Variants in ASTN2 observed in about 807,000 individuals in gnomAD.
ASTN2 encodes the protein astrotactin-2.
Under a neutral mutation model 139.8 loss-of-function variants are expected in ASTN2, and 54 were observed. The ratio of observed to expected loss-of-function variants is 0.39; its 90% CI spans 0.31 to 0.48. ASTN2 has a LOEUF of 0.48. Ranked by LOEUF, ASTN2 falls within the 20% of genes least tolerant of loss-of-function variation. ASTN2 has a pLI of 0.95. For missense variants in ASTN2, 1,565 were observed against 1,725.1 expected (o/e 0.91, Z 1.64); for synonymous variants, 756 against 719.5 (o/e 1.05, Z -0.81).
At position 117,336,357 on chromosome 9, in the gene ASTN2, A is replaced by AC. The variant is rs1433137682; in HGVS notation, c.443-44845_443-44844insG. Among the ~76,000 whole-genome samples, 6 of 152,228 alleles carry AC rather than the reference A, an allele frequency of 3.9e-5. No individual in the cohort carries two copies. In the South Asian group the frequency reaches 1.2e-3, roughly 32 times the overall value. ...TTGTTTCCTTGACATTCAGCTAGGG[A>AC]GATCTCAGAAGAATTAAAGAAAGTT... On this transcript the variant is annotated intron_variant, in intron 1 of 22. Coordinates refer to ENST00000313400, the MANE Select transcript of ASTN2 (RefSeq NM_001365068.1).
At chr9:116,577,866 G>T (rs1853784086) in intron 19 of ASTN2, among the ~76,000 whole-genome samples, 1 of 152,150 alleles carries the variant, frequency 6.6e-6, no homozygotes, top group South Asian at 2.1e-4. Context: ...CTCAGGTTGA[G>T]GTAGAAGGGC....
Position 116,807,066 on chromosome 9 carries a change from C to T in ASTN2, c.2208-1246G>A, listed in dbSNP as rs117639850. Among the ~76,000 whole-genome samples, 9 of 152,262 alleles carry T rather than the reference C, an allele frequency of 5.9e-5. No individual in the cohort carries two copies. In the East Asian group the frequency reaches 1.5e-3, roughly 26 times the overall value. On this transcript the variant is annotated intron_variant, in intron 12 of 22. Transcript: ENST00000313400. ...AAGGGATGTTTGTCTATTTTTGTCTCCTCCAAATCTAGTGCTTTCTATGTG... is the reference window on the plus strand; with the variant it reads ...AAGGGATGTTTGTCTATTTTTGTCTTCTCCAAATCTAGTGCTTTCTATGTG...
chr9:117,183,356 G>A (rs1831121990), intron 3 of ASTN2, among the ~76,000 whole-genome samples: 1 of 152,212 alleles, frequency 6.6e-6, no homozygotes, highest in African/African-American at 2.4e-5. Flanking sequence ...CGATCTATCT[G>A]CAGAGGACTT....
intron 5 of ASTN2, among the ~76,000 whole-genome samples, chr9:117,048,265 C>G (rs775541796): frequency 6.6e-6 from 1 of 152,126 alleles, no homozygotes; most frequent in East Asian, 1.9e-4. Flanking sequence ...CACCTGATAC[C>G]GACCACATGT....
intron 10 of ASTN2, among the ~76,000 whole-genome samples, chr9:116,920,722 T>C (rs1159824849): frequency 1.3e-5 from 2 of 152,214 alleles, no homozygotes; most frequent in African/African-American, 2.4e-5. Flanking sequence ...ATGTGTTCAC[T>C]GAGTATTTGG....
At chr9:117,316,782 G>A (rs567599983) in intron 1 of ASTN2, among the ~76,000 whole-genome samples, 68 of 152,302 alleles carry the variant, frequency 4.5e-4, no homozygotes, top group Non-Finnish European at 8.5e-4. Context: ...CTATGGGGGC[G>A]TGAGCAGTTT....
At chr9:117,323,425 C>T (rs7021801) in intron 1 of ASTN2, among the ~76,000 whole-genome samples, 2 of 151,892 alleles carry the variant, frequency 1.3e-5, no homozygotes, top group Non-Finnish European at 2.9e-5. Flanking sequence ...CTCTTTGCTC[C>T]GGCCTTAGAT....
intron 19 of ASTN2, among the ~76,000 whole-genome samples, chr9:116,588,684 GT>G (rs1330866821): frequency 1.3e-5 from 2 of 151,994 alleles, no homozygotes; most frequent in Admixed American, 6.6e-5. Context: ...AGAAATGGTA[GT>G]TTTTTTTCTC....
At chr9:116,619,977 A>G (rs1184684256) in intron 18 of ASTN2, among the ~76,000 whole-genome samples, 1 of 151,712 alleles carries the variant, frequency 6.6e-6, no homozygotes, top group Admixed American at 6.6e-5. Flanking sequence ...GTTTTGTTTT[A>G]AATCTCAGTA....
intron 17 of ASTN2, among the ~76,000 whole-genome samples, chr9:116,648,591 CAG>C (rs3041001): frequency 0.16 from 23,817 of 152,158 alleles, 2,371 homozygotes; most frequent in Non-Finnish European, 0.23. Flanking sequence ...CTCTGATGCA[CAG>C]AGTTAGATTA....
intron 2 of ASTN2, among the ~76,000 whole-genome samples, chr9:117,263,651 C>A (rs1328251762): frequency 6.6e-6 from 1 of 152,164 alleles, no homozygotes; most frequent in African/African-American, 2.4e-5. Flanking sequence ...TCATCAAGAT[C>A]CTCAAATCTT....
Position 116,570,229 on chromosome 9 carries a change from G to A in ASTN2, c.3355+48095C>T, listed in dbSNP as rs188091568. ...TACAGTGCCCAGCACAGTTCATATA[G>A]TGGGTTTACAATTAATGTTCATTCT... On this transcript the variant is annotated intron_variant, in intron 19 of 22. Coordinates refer to ENST00000313400, the MANE Select transcript of ASTN2 (RefSeq NM_001365068.1). Among the ~76,000 whole-genome samples, 30 of 152,302 alleles carry A rather than the reference G, an allele frequency of 2.0e-4. 1 individual carries two copies. Among genetic ancestry groups the A allele is most frequent in the Non-Finnish European group, 4.0e-4 (27 of 68,024 alleles).
intron 2 of ASTN2, among the ~76,000 whole-genome samples, chr9:117,263,420 T>C (rs1833870646): frequency 6.6e-6 from 1 of 152,200 alleles, no homozygotes; most frequent in Non-Finnish European, 1.5e-5. Flanking sequence ...CACCTGCAAA[T>C]TCTTTAAAAA....
intron 10 of ASTN2, among the ~76,000 whole-genome samples, chr9:116,893,159 TCACA>T (rs56263614): frequency 0.28 from 42,016 of 149,150 alleles, 6,131 homozygotes; most frequent in Non-Finnish European, 0.34. Context: ...TAAAGGTGTA[TCACA>T]CACACACACA....
intron 1 of ASTN2, among the ~76,000 whole-genome samples, chr9:117,369,980 C>G (rs1461679838): frequency 6.6e-6 from 1 of 152,106 alleles, no homozygotes; most frequent in African/African-American, 2.4e-5. Flanking sequence ...TTTGTCATGG[C>G]ACGCTAGTTA....
At chr9:116,874,774 A>G (rs1355132934) in intron 10 of ASTN2, among the ~76,000 whole-genome samples, 3 of 152,144 alleles carry the variant, frequency 2.0e-5, no homozygotes, top group Admixed American at 2.0e-4. Context: ...CTCATTGCAG[A>G]TATTATTTCT....
At chr9:116,944,860 T>G (rs1328399934) in intron 10 of ASTN2, among the ~76,000 whole-genome samples, 1 of 152,008 alleles carries the variant, frequency 6.6e-6, no homozygotes, top group Non-Finnish European at 1.5e-5. Flanking sequence ...AGGTACTGTA[T>G]CAGTTAGGAT....
chr9:117,003,863 C>T (rs1192831195), intron 7 of ASTN2, among the ~76,000 whole-genome samples: 2 of 151,338 alleles, frequency 1.3e-5, no homozygotes, highest in African/African-American at 2.4e-5. Context: ...TCTAAGGGGC[C>T]AGATGCAGAG....
intron 10 of ASTN2, among the ~76,000 whole-genome samples, chr9:116,940,474 T>C (rs972037180): frequency 6.6e-6 from 1 of 152,200 alleles, no homozygotes; most frequent in Non-Finnish European, 1.5e-5. Context: ...ATATTGATGA[T>C]CCTGATTCTG....
Sources: allele counts gnomAD v4.1 joint callset (sites outside exome capture counted in the v4.1 genomes callset), GRCh38; gene constraint gnomAD v4.1.1; transcripts MANE v1.5; gene names NCBI Gene and HGNC (gene_info 2026-07-23, HGNC 2026-07-21).